The following MDM1 variants were observed in gnomAD, a reference collection of about 807,000 sequenced individuals.
The protein encoded by MDM1 is stabilizer of axonemal microtubules 6.
In MDM1, 61 loss-of-function variants were observed where a neutral mutation model predicts 89.1. That is an observed-to-expected ratio of 0.68 (90% CI 0.56 to 0.85). The LOEUF (loss-of-function observed/expected upper bound fraction) is 0.85, where lower values mean the gene tolerates loss of function less well. Among genes scored for constraint, MDM1 ranks in the 40% least tolerant of loss-of-function variants. The pLI is 0.00. For synonymous variants in MDM1, 290 were observed against 294.1 expected (o/e 0.99, Z 0.14); for missense variants, 820 against 846.5 (o/e 0.97, Z 0.39).
intron 12 of MDM1, among the ~76,000 whole-genome samples, chr12:68,310,261 GC>G (rs1873501135): frequency 6.6e-6 from 1 of 152,182 alleles, no homozygotes; most frequent in Non-Finnish European, 1.5e-5. Context: ...ATGAGCTACC[GC>G]ACCAGGCCAG....
intron 2 of MDM1, among the ~76,000 whole-genome samples, chr12:68,328,799 G>A (rs1314188288): frequency 6.6e-6 from 1 of 152,038 alleles, no homozygotes; most frequent in Non-Finnish European, 1.5e-5. Flanking sequence ...CTAAAAGAAG[G>A]GACAGCCATC....
rs199858793 is a variant in MDM1, at chr12:68,313,421, T to C, written c.1749+22A>G. The C allele has an allele frequency of 1.1e-4, 173 of 1,543,600 alleles. No individual in the cohort carries two copies. In the African/African-American group the frequency reaches 2.2e-3, roughly 20 times the overall value. ...AATAATTAGTCCTAGATGAGATGCT[T>C]TTTTCCCCAAAACATGTTTACCTTA... On this transcript the variant is annotated intron_variant, in intron 12 of 14. Transcript: ENST00000682720.
At chr12:68,321,890 G>C (rs1400207706) in intron 5 of MDM1, among the ~76,000 whole-genome samples, 1 of 152,124 alleles carries the variant, frequency 6.6e-6, no homozygotes, top group Non-Finnish European at 1.5e-5. Context: ...GGCTAAGGAA[G>C]AAAATTTTTA....
intron 7 of MDM1, among the ~76,000 whole-genome samples, chr12:68,317,663 T>C (rs937823898): frequency 2.6e-5 from 4 of 152,194 alleles, no homozygotes; most frequent in Admixed American, 2.0e-4. Context: ...AAAAGCTATG[T>C]TCATTTATCA....
At chr12:68,326,540 TAGAC>T in intron 3 of MDM1, 113 bp downstream of exon 3, 2 of 1,605,606 alleles carry the variant, frequency 1.2e-6, no homozygotes, top group Non-Finnish European at 1.7e-6. Flanking sequence ...TTATAGACAT[TAGAC>T]AAGAAAACAA....
At chr12:68,298,203 A>G (rs935588298) in intron 13 of MDM1, among the ~76,000 whole-genome samples, 1 of 152,146 alleles carries the variant, frequency 6.6e-6, no homozygotes, top group African/African-American at 2.4e-5. Flanking sequence ...CTCAGCTATC[A>G]CCACTGCCTG....
chr12:68,325,606 AT>A lies in MDM1; in HGVS notation c.499-32del, dbSNP rs756422571. On this transcript the variant is annotated intron_variant, in intron 3 of 14. Coordinates refer to ENST00000682720, the MANE Select transcript of MDM1 (RefSeq NM_001354969.2). ...CAAAAAACAAAATCCACTCAAAGACATTAAAAATTTCTATTCAAACTTTTTA... is the reference window on the plus strand; with the variant it reads ...CAAAAAACAAAATCCACTCAAAGACATAAAAATTTCTATTCAAACTTTTTA... The A allele has an allele frequency of 2.0e-6, 3 of 1,478,874 alleles. No homozygotes were observed. In the South Asian group the frequency reaches 4.4e-5, roughly 22 times the overall value. The allele number at this position is 1,478,874 out of a possible 1,614,324, so 91.6% of individuals were successfully genotyped here.
chr12:68,320,451 G>A (rs566907629), intron 7 of MDM1, among the ~76,000 whole-genome samples: 1 of 152,316 alleles, frequency 6.6e-6, no homozygotes, highest in African/African-American at 2.4e-5. Flanking sequence ...GAAACAATAT[G>A]CAGACAGCAT....
chr12:68,300,136 T>C (rs1406140926), intron 13 of MDM1, among the ~76,000 whole-genome samples: 1 of 152,126 alleles, frequency 6.6e-6, no homozygotes, highest in Non-Finnish European at 1.5e-5. Flanking sequence ...GACAAACAAA[T>C]GCTGAGGAAT....
intron 12 of MDM1, among the ~76,000 whole-genome samples, chr12:68,303,882 GCT>G (rs1872544788): frequency 6.6e-6 from 1 of 152,156 alleles, no homozygotes; most frequent in African/African-American, 2.4e-5. Flanking sequence ...GTCAGTATTT[GCT>G]GTTTTCCACA....
intron 1 of MDM1, 189 bp downstream of exon 1, chr12:68,332,039 G>C: frequency 1.3e-6 from 1 of 754,302 alleles, no homozygotes; most frequent in Non-Finnish European, 2.3e-6. Context: ...GCAAATGTGA[G>C]TGAGCGGAGA....
At chr12:68,296,227 T>C (rs146054390) in intron 14 of MDM1, among the ~76,000 whole-genome samples, 2,244 of 152,320 alleles carry the variant, frequency 0.015, 52 homozygotes, top group African/African-American at 0.051. Context: ...AGGCTGGGCA[T>C]GGTGGCTCAC....
At chr12:68,330,115 C>G (rs1876572404) in intron 2 of MDM1, among the ~76,000 whole-genome samples, 1 of 152,172 alleles carries the variant, frequency 6.6e-6, no homozygotes, top group African/African-American at 2.4e-5. Flanking sequence ...TCCCTCCAAT[C>G]CACTCCTCCC....
chr12:68,308,946 C>A (rs975959508), intron 12 of MDM1, among the ~76,000 whole-genome samples: 1 of 152,154 alleles, frequency 6.6e-6, no homozygotes, highest in Admixed American at 6.5e-5. Context: ...GCAGTTTCAT[C>A]CACTTCTGTC....
Position 68,314,958 on chromosome 12 carries a change from T to A in MDM1, c.1519A>T (p.Met507Leu). ...ATTTAAAACTCTCACCCTTCTTTCA[T>A]CTTATCTGCCTTAGATTTCTCACGT... The part of the protein sequence containing the change: ...DVREKSKADK[M>L]KEGSDSSVSS... The change falls in exon 10 of 15, where the codon ATG (methionine) becomes TTG (leucine). Residue 507 changes from methionine (M) to leucine (L), a missense_variant. Physicochemically the swap from Met to Leu is conservative, Grantham distance 15. Coordinates refer to ENST00000682720, the MANE Select transcript of MDM1 (RefSeq NM_001354969.2). The A allele has an allele frequency of 6.2e-7, 1 of 1,613,368 alleles. No individual in the cohort carries two copies. The highest frequency in any genetic ancestry group is 8.5e-7 in the Non-Finnish European group (1 of 1,179,408).
intron 12 of MDM1, among the ~76,000 whole-genome samples, chr12:68,310,341 T>C (rs1483319566): frequency 1.3e-5 from 2 of 152,232 alleles, no homozygotes; most frequent in Non-Finnish European, 2.9e-5. Context: ...AGACAGAGAA[T>C]GGCATTAACA....
chr12:68,327,684 T>C (rs1464028139), intron 2 of MDM1, among the ~76,000 whole-genome samples: 1 of 151,940 alleles, frequency 6.6e-6, no homozygotes, highest in Non-Finnish European at 1.5e-5. Flanking sequence ...TTTAAGACAG[T>C]TGCAGGGTGC....
chr12:68,324,616 C>T (rs1286405521), intron 4 of MDM1, among the ~76,000 whole-genome samples: 1 of 151,968 alleles, frequency 6.6e-6, no homozygotes, highest in African/African-American at 2.4e-5. Flanking sequence ...ACAAAATATA[C>T]AAGTGAATGT....
rs1284513064 is a variant in MDM1, at chr12:68,327,024, A to G, written c.134-3T>C. On this transcript the variant is annotated splice_region_variant and splice_polypyrimidine_tract_variant and intron_variant, in intron 2 of 14. Transcript: ENST00000682720. The stretch of plus-strand genomic sequence containing the variant: ...AAAACTTGGCTCTTTCGTGATGCCT[A>G]CAAAACACGGTATACAAAAATAGTA... 5.7e-6 allele frequency: 9 copies of G among 1,577,062 alleles called. No individual in the cohort carries two copies. The highest frequency in any genetic ancestry group is 7.7e-6 in the Non-Finnish European group (9 of 1,167,746).
Sources: allele counts gnomAD v4.1 joint callset (sites outside exome capture counted in the v4.1 genomes callset), GRCh38; gene constraint gnomAD v4.1.1; transcripts MANE v1.5; gene names NCBI Gene and HGNC (gene_info 2026-07-23, HGNC 2026-07-21).